WWOX: variants seen among roughly 807,000 people sequenced by gnomAD.
The protein encoded by WWOX is WW domain-containing oxidoreductase.
Under a neutral mutation model 46.2 loss-of-function variants are expected in WWOX, and 69 were observed. The observed-to-expected ratio is 1.49, with a 90% CI of 1.23 to 1.82. The LOEUF is 1.82. WWOX is among the 40% of genes most tolerant of loss of function. The probability of loss-of-function intolerance (pLI) is 0.00; values close to 1 mark genes in which losing one functional copy is unlikely to be tolerated. For synonymous variants in WWOX, 359 were observed against 202.6 expected, an observed-to-expected ratio of 1.77 and a Z score of -6.56; for missense variants, 919 against 542.6, an observed-to-expected ratio of 1.69 and a Z score of -6.89.
intron 8 of WWOX, among the ~76,000 whole-genome samples, chr16:78,990,194 A>AG (rs2046858924): frequency 6.6e-6 from 1 of 150,698 alleles, no homozygotes; most frequent in Non-Finnish European, 1.5e-5. Context: ...ACCAAAAAAA[A>AG]AAAAAAAAGA....
rs149240788 is a variant in WWOX at position 78,457,610 on chromosome 16, G to A, written c.1056+24858G>A. ...AACATTTGTGGGGGCTGCAGAGGACGCACATGAAAATAACATGAACTGGCC... is the reference window on the plus strand; with the variant it reads ...AACATTTGTGGGGGCTGCAGAGGACACACATGAAAATAACATGAACTGGCC... On this transcript the variant is annotated intron_variant, in intron 8 of 8. Coordinates refer to ENST00000566780, the MANE Select transcript of WWOX (RefSeq NM_016373.4). 1.3e-3 allele frequency among the ~76,000 whole-genome samples: 191 copies of A among 152,052 alleles called. 1 individual carries two copies. The highest frequency in any genetic ancestry group is 4.3e-3 in the African/African-American group (178 of 41,470).
intron 5 of WWOX, among the ~76,000 whole-genome samples, chr16:78,356,071 T>TAAAAAAAA (rs61113878): frequency 0.35 from 26,350 of 75,302 alleles, 7,307 homozygotes; most frequent in Non-Finnish European, 0.51. Flanking sequence ...TTTTTTTTCC[T>TAAAAAAAA]AAAAAAAAAA....
chr16:78,494,428 T>C (rs779431504), intron 8 of WWOX, among the ~76,000 whole-genome samples: 22 of 152,156 alleles, frequency 1.4e-4, no homozygotes, highest in African/African-American at 2.4e-5. Flanking sequence ...AATCTCAAAG[T>C]GATGTCTTTC....
At chr16:78,924,728 G>C (rs116120851) in intron 8 of WWOX, among the ~76,000 whole-genome samples, 3 of 152,140 alleles carry the variant, frequency 2.0e-5, no homozygotes, top group Admixed American at 6.6e-5. Flanking sequence ...TTTATAATCT[G>C]GTCATTCTGT....
At chr16:78,392,008 TC>T (rs57627624) in intron 6 of WWOX, among the ~76,000 whole-genome samples, 1,985 of 148,334 alleles carry the variant, frequency 0.013, 44 homozygotes, top group African/African-American at 0.047. Flanking sequence ...TTTTTTTTTT[TC>T]CTTAAAAAAA....
At position 78,309,443 on chromosome 16, in the gene WWOX, G is replaced by A. The variant is rs138260438; in HGVS notation, c.517-77417G>A. On this transcript the variant is annotated intron_variant, in intron 5 of 8. Coordinates refer to ENST00000566780, the MANE Select transcript of WWOX (RefSeq NM_016373.4). ...AGTTCTTGGTAGCAATGTGAGAATG[G>A]GCTAATATACCACGTATGACTTGGA... Among the ~76,000 whole-genome samples the A allele has an allele frequency of 8.5e-5, 13 of 152,142 alleles. 1 individual carries two copies. The highest frequency in any genetic ancestry group is 7.7e-4 in the East Asian group (4 of 5,162).
At chr16:78,574,558 A>C (rs1236510209) in intron 8 of WWOX, among the ~76,000 whole-genome samples, 1 of 152,116 alleles carries the variant, frequency 6.6e-6, no homozygotes, top group Non-Finnish European at 1.5e-5. Context: ...GCCTTCAAAG[A>C]CTACTACCTG....
At chr16:78,346,085 T>C (rs2081090168) in intron 5 of WWOX, among the ~76,000 whole-genome samples, 1 of 121,444 alleles carries the variant, frequency 8.2e-6, no homozygotes, top group African/African-American at 2.8e-5. Context: ...TCACTATTGA[T>C]GAATTTGCAT....
intron 8 of WWOX, among the ~76,000 whole-genome samples, chr16:79,099,570 GT>G: frequency 6.8e-6 from 1 of 147,852 alleles, no homozygotes. Flanking sequence ...TAGATTGTGT[GT>G]GCGTGTGTGT....
chr16:78,710,044 C>T (rs954491199), intron 8 of WWOX, among the ~76,000 whole-genome samples: 5 of 152,056 alleles, frequency 3.3e-5, no homozygotes, highest in Non-Finnish European at 5.9e-5. Flanking sequence ...AGTTGCCTTT[C>T]TTACCAGCCT....
intron 8 of WWOX, among the ~76,000 whole-genome samples, chr16:78,508,340 T>TA (rs1555551568): frequency 3.3e-5 from 4 of 121,738 alleles, no homozygotes; most frequent in Admixed American, 9.5e-5. Flanking sequence ...TTTTTTTTTT[T>TA]AACGCTCATC....
chr16:78,908,157 A>G (rs1282990816), intron 8 of WWOX, among the ~76,000 whole-genome samples: 1 of 152,148 alleles, frequency 6.6e-6, no homozygotes, highest in Non-Finnish European at 1.5e-5. Flanking sequence ...CAGTGTCACA[A>G]CTTAAGAGCC....
At chr16:78,755,857 TC>T (rs1322840336) in intron 8 of WWOX, among the ~76,000 whole-genome samples, 5 of 152,204 alleles carry the variant, frequency 3.3e-5, no homozygotes, top group African/African-American at 1.2e-4. Flanking sequence ...ATTTTTCTCC[TC>T]CTCTATGCAC....
At chr16:79,146,086 G>A (rs2050178001) in intron 8 of WWOX, among the ~76,000 whole-genome samples, 1 of 152,154 alleles carries the variant, frequency 6.6e-6, no homozygotes. Flanking sequence ...TTCAAGTAAA[G>A]TAACATGCTG....
At chr16:78,725,334 C>CTTTTTTTTT (rs1567517488) in intron 8 of WWOX, among the ~76,000 whole-genome samples, 1 of 94,088 alleles carries the variant, frequency 1.1e-5, no homozygotes, top group Non-Finnish European at 2.1e-5. Context: ...TTTTTCTTTT[C>CTTTTTTTTT]TTTTCTTTTC....
At chr16:78,573,550 C>A (rs768273898) in intron 8 of WWOX, among the ~76,000 whole-genome samples, 17 of 152,204 alleles carry the variant, frequency 1.1e-4, no homozygotes, top group Non-Finnish European at 7.3e-5. Context: ...CATTCAGTGG[C>A]TCCCTGGGCC....
chr16:78,194,313 C>T (rs984556295), intron 5 of WWOX, among the ~76,000 whole-genome samples: 1 of 151,642 alleles, frequency 6.6e-6, no homozygotes, highest in African/African-American at 2.4e-5. Flanking sequence ...ATTGGCCGGG[C>T]GTGGTGTCTC....
chr16:78,640,226 G>GTTTTTTTTT, intron 8 of WWOX, among the ~76,000 whole-genome samples: 1 of 65,376 alleles, frequency 1.5e-5, no homozygotes, highest in Non-Finnish European at 2.7e-5. Context: ...TTGTTGTTGG[G>GTTTTTTTTT]TTTTTTTTTT....
chr16:79,028,300 A>G (rs1351737051), intron 8 of WWOX, among the ~76,000 whole-genome samples: 1 of 151,778 alleles, frequency 6.6e-6, no homozygotes, highest in Non-Finnish European at 1.5e-5. Flanking sequence ...TGGCAAATGG[A>G]AAGTTCCCCT....
Sources: gnomAD v4.1 joint callset for allele counts (sites outside exome capture counted in the v4.1 genomes callset) on GRCh38, gnomAD v4.1.1 for gene constraint, MANE v1.5 for transcripts, NCBI Gene and HGNC (gene_info 2026-07-23, HGNC 2026-07-21) for gene names.